KDM4C: variants seen among roughly 807,000 people sequenced by gnomAD.
KDM4C encodes lysine-specific demethylase 4C.
A neutral mutation model predicts 129.3 loss-of-function variants in KDM4C; 81 were observed. The ratio of observed to expected loss-of-function variants is 0.63; its 90% CI spans 0.52 to 0.75. KDM4C has a LOEUF of 0.75. Ranked by LOEUF, KDM4C falls within the 30% of genes least tolerant of loss-of-function variation. The pLI, the probability that KDM4C is intolerant of heterozygous loss-of-function variation, is 0.00. For synonymous variants in KDM4C, 573 were observed against 456.1 expected, an observed-to-expected ratio of 1.26 and a Z score of -3.26; for missense variants, 1,457 against 1,304.0, an observed-to-expected ratio of 1.12 and a Z score of -1.81.
At chr9:6,945,737 C>G (rs966153304) in intron 8 of KDM4C, among the ~76,000 whole-genome samples, 1 of 152,044 alleles carries the variant, frequency 6.6e-6, no homozygotes, top group African/African-American at 2.4e-5. Context: ...GGCTTTTAAT[C>G]TAAGGTACTT....
At chr9:7,100,432 T>C (rs565324337) in intron 17 of KDM4C, among the ~76,000 whole-genome samples, 1 of 152,216 alleles carries the variant, frequency 6.6e-6, no homozygotes, top group South Asian at 2.1e-4. Context: ...CTCTGCCTCC[T>C]GGGTTCAAGC....
At chr9:6,775,630 C>T (rs1227743840) in intron 1 of KDM4C, among the ~76,000 whole-genome samples, 2 of 151,880 alleles carry the variant, frequency 1.3e-5, no homozygotes, top group African/African-American at 4.8e-5. Context: ...TCAAGCAATT[C>T]TTCTGCCTCA....
chr9:7,021,120 A>ATATGTG (rs1554701954), intron 15 of KDM4C, among the ~76,000 whole-genome samples: 3 of 128,300 alleles, frequency 2.3e-5, no homozygotes, highest in African/African-American at 8.6e-5. Context: ...ACATATATAT[A>ATATGTG]TGTGTGTGTG....
intron 12 of KDM4C, among the ~76,000 whole-genome samples, chr9:6,998,429 A>C (rs577049814): frequency 6.6e-6 from 1 of 152,236 alleles, no homozygotes; most frequent in African/African-American, 2.4e-5. Flanking sequence ...GTGAAATCTC[A>C]GGAAGTCCCG....
intron 21 of KDM4C, among the ~76,000 whole-genome samples, chr9:7,171,303 C>G (rs11790944): frequency 0.2 from 30,534 of 152,010 alleles, 3,301 homozygotes; most frequent in Middle Eastern, 0.29. Context: ...TTAAATATTC[C>G]TGTTGTAAAG....
chr9:6,877,422 G>A (rs572396941), intron 5 of KDM4C, among the ~76,000 whole-genome samples: 2 of 152,124 alleles, frequency 1.3e-5, no homozygotes, highest in South Asian at 2.1e-4. Flanking sequence ...GGGTGGTCTC[G>A]GTCTCCTGAC....
intron 5 of KDM4C, among the ~76,000 whole-genome samples, chr9:6,867,492 A>G (rs1436354415): frequency 6.6e-6 from 1 of 152,158 alleles, no homozygotes; most frequent in African/African-American, 2.4e-5. Context: ...TTTGTTGGGA[A>G]AAGTTTGCTT....
chr9:6,749,160 C>T (rs925329387), intron 1 of KDM4C, among the ~76,000 whole-genome samples: 1 of 152,204 alleles, frequency 6.6e-6, no homozygotes, highest in African/African-American at 2.4e-5. Context: ...GCTGGGATTA[C>T]AGGCATGCAC....
At chr9:6,727,686 G>C (rs930216409) in intron 1 of KDM4C, among the ~76,000 whole-genome samples, 1 of 128,058 alleles carries the variant, frequency 7.8e-6, no homozygotes, top group Non-Finnish European at 1.7e-5. Context: ...AGTAAATGAG[G>C]CAGGCAATTC....
intron 3 of KDM4C, among the ~76,000 whole-genome samples, chr9:6,807,482 T>C (rs1830230451): frequency 7.2e-6 from 1 of 139,406 alleles, no homozygotes; most frequent in African/African-American, 2.8e-5. Context: ...GTGAGGAGCG[T>C]CTCTGCCCGG....
chr9:7,021,846 G>A (rs1055316174), intron 15 of KDM4C, among the ~76,000 whole-genome samples: 4 of 152,102 alleles, frequency 2.6e-5, no homozygotes, highest in African/African-American at 4.8e-5. Context: ...GGAAGAGATA[G>A]GGGTCAAGTT....
chr9:6,767,739 G>T (rs374881849), intron 1 of KDM4C, among the ~76,000 whole-genome samples: 67 of 152,270 alleles, frequency 4.4e-4, no homozygotes, highest in South Asian at 1.4e-3. Flanking sequence ...GATTACAGGC[G>T]TGATCTTCTG....
chr9:6,842,764 G>T (rs1837195367), intron 4 of KDM4C, among the ~76,000 whole-genome samples: 1 of 150,452 alleles, frequency 6.6e-6, no homozygotes, highest in Admixed American at 6.7e-5. Flanking sequence ...CAGGATAGTA[G>T]GTTGTCTCCA....
chr9:6,932,143 G>C (rs1457472175), intron 8 of KDM4C, among the ~76,000 whole-genome samples: 1 of 152,166 alleles, frequency 6.6e-6, no homozygotes, highest in Non-Finnish European at 1.5e-5. Flanking sequence ...ATGTCATCAG[G>C]CATGTACTTC....
intron 1 of KDM4C, among the ~76,000 whole-genome samples, chr9:6,790,940 C>T (rs920148636): frequency 1.4e-4 from 22 of 152,230 alleles, no homozygotes; most frequent in African/African-American, 5.3e-4. Context: ...CTTTGATCTC[C>T]TATAGTCTTT....
chr9:7,063,831 T>C (rs1001488990), intron 17 of KDM4C, among the ~76,000 whole-genome samples: 1 of 152,160 alleles, frequency 6.6e-6, no homozygotes, highest in Admixed American at 6.5e-5. Flanking sequence ...AACAGCATGC[T>C]CTGTGGCCTG....
In KDM4C at chr9:7,151,648, C is replaced by T. The variant is rs369373960; in HGVS notation, c.2782-13590C>T. On this transcript the variant is annotated intron_variant, in intron 19 of 21. Coordinates refer to ENST00000381309, the MANE Select transcript of KDM4C (RefSeq NM_015061.6). ...TGTGATAGTGCCACTGCAGTCACTC[C>T]GGCCTGGGCGACAGGAGTGAGACCC... Among the ~76,000 whole-genome samples, 66 of 152,146 alleles carry T rather than the reference C, an allele frequency of 4.3e-4. 2 individuals carry two copies. Among genetic ancestry groups the T allele is most frequent in the Admixed American group, 3.3e-4 (5 of 15,276 alleles).
At chr9:6,872,312 G>C (rs1842914520) in intron 5 of KDM4C, among the ~76,000 whole-genome samples, 2 of 152,226 alleles carry the variant, frequency 1.3e-5, no homozygotes, top group African/African-American at 2.4e-5. Flanking sequence ...GTTAGGACTT[G>C]TTATTGGCGG....
intron 11 of KDM4C, among the ~76,000 whole-genome samples, chr9:6,988,023 T>C (rs1461842835): frequency 6.6e-6 from 1 of 151,038 alleles, no homozygotes; most frequent in Non-Finnish European, 1.5e-5. Context: ...AATTTAGTGG[T>C]GTGTGCCTGT....
Sources: allele counts gnomAD v4.1 joint callset (sites outside exome capture counted in the v4.1 genomes callset), GRCh38; gene constraint gnomAD v4.1.1; transcripts MANE v1.5; gene names NCBI Gene and HGNC (gene_info 2026-07-23, HGNC 2026-07-21).